The following FLT3 variants were observed in gnomAD, a reference collection of about 807,000 sequenced individuals.
FLT3 encodes the protein receptor-type tyrosine-protein kinase FLT3.
In FLT3, 46 loss-of-function variants were observed where a neutral mutation model predicts 126.6. That is an observed-to-expected ratio of 0.36 (90% CI 0.29 to 0.46). The LOEUF (loss-of-function observed/expected upper bound fraction) is 0.46. Ranked by LOEUF, FLT3 falls within the 20% of genes least tolerant of loss-of-function variation. The pLI is 1.00. For synonymous variants in FLT3, 404 were observed against 434.4 expected (o/e 0.93, Z 0.87); for missense variants, 1,069 against 1,190.3 (o/e 0.90, Z 1.50).
At chr13:28,068,517 T>C (rs530644081) in intron 2 of FLT3, among the ~76,000 whole-genome samples, 2 of 150,250 alleles carry the variant, frequency 1.3e-5, no homozygotes, top group East Asian at 2.0e-4. Context: ...AAAAAAAAAA[T>C]CTATGATATA....
intron 1 of FLT3, among the ~76,000 whole-genome samples, chr13:28,082,301 C>G (rs11840250): frequency 0.71 from 108,162 of 151,936 alleles, 40,259 homozygotes; most frequent in East Asian, 0.95. Context: ...CATGCACATA[C>G]CACCACACTC....
At chr13:28,061,778 A>T (rs1876586607) in intron 3 of FLT3, 89 bp downstream of exon 3, 2 of 1,057,034 alleles carry the variant, frequency 1.9e-6, no homozygotes, top group South Asian at 3.0e-5. Context: ...CTCACAAAAA[A>T]AAAAGGTTTA....
At chr13:28,070,239 G>A (rs938171926) in intron 2 of FLT3, among the ~76,000 whole-genome samples, 4 of 152,146 alleles carry the variant, frequency 2.6e-5, no homozygotes, top group South Asian at 2.1e-4. Flanking sequence ...ACCAAGGGAC[G>A]ACTCTACTCA....
At chr13:28,042,415 T>C (rs1266854108) in intron 9 of FLT3, among the ~76,000 whole-genome samples, 1 of 152,104 alleles carries the variant, frequency 6.6e-6, no homozygotes, top group African/African-American at 2.4e-5. Context: ...CAAAGATCCA[T>C]ATTGTATGTT....
intron 1 of FLT3, among the ~76,000 whole-genome samples, chr13:28,091,354 T>C (rs1879066308): frequency 1.3e-5 from 2 of 148,794 alleles, no homozygotes; most frequent in Non-Finnish European, 3.0e-5. Context: ...CCCGAGTAGC[T>C]GGGACTACAG....
At chr13:28,020,638 C>A (rs182666158) in intron 19 of FLT3, among the ~76,000 whole-genome samples, 1 of 152,206 alleles carries the variant, frequency 6.6e-6, no homozygotes, top group African/African-American at 2.4e-5. Context: ...GAGCCACCCA[C>A]CCCCGGCCTC....
intron 19 of FLT3, 77 bp downstream of exon 19, chr13:28,023,273 A>G (rs538183523): frequency 1.4e-6 from 2 of 1,466,582 alleles, no homozygotes; most frequent in Non-Finnish European, 1.9e-6. Flanking sequence ...TACAAGTTAA[A>G]ATAAACAAGA....
intron 1 of FLT3, among the ~76,000 whole-genome samples, chr13:28,095,479 T>A (rs1216870331): frequency 6.6e-6 from 1 of 152,144 alleles, no homozygotes; most frequent in Non-Finnish European, 1.5e-5. Context: ...TTTTATCACG[T>A]TGGCCAGGAT....
rs774511256 is a variant in FLT3, at chr13:28,027,190, T to G, written c.2105A>C (p.Tyr702Ser). The change falls in exon 17 of 24, where the codon TAT becomes TCT. Residue 702 changes from tyrosine to serine, a missense_variant. Physicochemically the swap from Tyr to Ser is moderately radical, Grantham distance 144. Transcript: ENST00000241453. The part of the protein sequence containing the change: ...EYCCYGDLLN[Y>S]LRSKREKFHR... Reference sequence around the variant, plus strand: ...AAATTTTTCTCTTTTACTTCTTAGATAGTTGAGAAGATCACCATAGCAACA... The same window carrying G: ...AAATTTTTCTCTTTTACTTCTTAGAGAGTTGAGAAGATCACCATAGCAACA... 3.7e-6 allele frequency: 6 copies of G among 1,612,520 alleles called. No individual in the cohort carries two copies. Among genetic ancestry groups the G allele is most frequent in the Non-Finnish European group, 5.1e-6 (6 of 1,178,518 alleles).
Position 28,024,688 on chromosome 13 carries a change from T to C in FLT3, c.2290+173A>G, listed in dbSNP as rs12427992. ...CAAATAAAATAGTCCTCAGTGTTTATTAGTTGAATGTTGACATAAAATCTA... is the reference window on the plus strand; with the variant it reads ...CAAATAAAATAGTCCTCAGTGTTTACTAGTTGAATGTTGACATAAAATCTA... On this transcript the variant is annotated intron_variant, in intron 18 of 23. Transcript: ENST00000241453. 0.17 allele frequency among the ~76,000 whole-genome samples: 25,969 copies of C among 152,284 alleles called. 2,362 individuals carry two copies. The highest frequency in any genetic ancestry group is 0.24 in the Admixed American group (3,604 of 15,288).
chr13:28,012,980 A>G (rs117276254), intron 23 of FLT3, among the ~76,000 whole-genome samples: 3,098 of 151,138 alleles, frequency 0.02, 51 homozygotes, highest in Non-Finnish European at 0.033. Context: ...ACATGCACAT[A>G]TACATTCTTT....
chr13:28,091,421 C>T (rs530626517), intron 1 of FLT3, among the ~76,000 whole-genome samples: 1,693 of 149,708 alleles, frequency 0.011, 16 homozygotes, highest in Middle Eastern at 0.017. Flanking sequence ...CGGGGTTTCA[C>T]CGTGTTAGCC....
At chr13:28,082,017 G>A (rs1251651213) in intron 1 of FLT3, among the ~76,000 whole-genome samples, 3 of 151,088 alleles carry the variant, frequency 2.0e-5, no homozygotes, top group Admixed American at 6.6e-5. Flanking sequence ...CATCATGCCC[G>A]GCTAATTTTT....
chr13:28,077,265 C>G (rs1352250608), intron 1 of FLT3, among the ~76,000 whole-genome samples: 2 of 152,094 alleles, frequency 1.3e-5, no homozygotes, highest in African/African-American at 2.4e-5. Flanking sequence ...CGTTTTCACA[C>G]TGCTGATAAA....
At chr13:28,041,743 G>A (rs1593250878) in intron 9 of FLT3, among the ~76,000 whole-genome samples, 1 of 152,148 alleles carries the variant, frequency 6.6e-6, no homozygotes, top group African/African-American at 2.4e-5. Flanking sequence ...TTCCTCTTTC[G>A]CCTAGGGGTT....
chr13:28,067,243 G>A (rs976669367), intron 2 of FLT3, among the ~76,000 whole-genome samples: 1 of 152,110 alleles, frequency 6.6e-6, no homozygotes, highest in African/African-American at 2.4e-5. Context: ...GGCTGGTCTC[G>A]AACTCCCAAC....
intron 15 of FLT3, among the ~76,000 whole-genome samples, chr13:28,030,911 G>GA (rs1379453824): frequency 2.1e-5 from 3 of 144,728 alleles, no homozygotes; most frequent in Non-Finnish European, 4.6e-5. Flanking sequence ...CTCAAAAAAA[G>GA]AAAAAAGAAA....
At chr13:28,089,844 C>T (rs1026292448) in intron 1 of FLT3, among the ~76,000 whole-genome samples, 2 of 151,424 alleles carry the variant, frequency 1.3e-5, no homozygotes, top group African/African-American at 4.9e-5. Flanking sequence ...AAGCAATTCT[C>T]CTGCCTCAGC....
Position 28,003,995 on chromosome 13 carries a change from T to G in FLT3, c.*57A>C. 1 of 1,597,354 alleles carries G rather than the reference T, an allele frequency of 6.3e-7. No individual in the cohort carries two copies. The highest frequency in any genetic ancestry group is 8.6e-7 in the Non-Finnish European group (1 of 1,165,512). The stretch of plus-strand genomic sequence containing the variant: ...GATGAAATTAATCTTGTTTTGGTAA[T>G]CTACAGCCTGTTAGGGATAGGTGGA... On this transcript the variant is annotated 3_prime_UTR_variant, in exon 24 of 24. Coordinates refer to ENST00000241453, the MANE Select transcript of FLT3 (RefSeq NM_004119.3).
Sources: gnomAD v4.1 joint callset for allele counts (sites outside exome capture counted in the v4.1 genomes callset) on GRCh38, gnomAD v4.1.1 for gene constraint, MANE v1.5 for transcripts, NCBI Gene and HGNC (gene_info 2026-07-23, HGNC 2026-07-21) for gene names.